The following KIAA1328 variants were observed in gnomAD, a reference collection of about 807,000 sequenced individuals.
The protein encoded by KIAA1328 is KIAA1328, also known as protein hinderin.
In KIAA1328, 52 loss-of-function variants were observed where a neutral mutation model predicts 68.1. The ratio of observed to expected loss-of-function variants is 0.76; its 90% CI spans 0.61 to 0.96. The LOEUF (loss-of-function observed/expected upper bound fraction) is 0.96, where lower values mean the gene tolerates loss of function less well. KIAA1328 is among the 40% of genes least tolerant of loss of function. The pLI, the probability that KIAA1328 is intolerant of heterozygous loss-of-function variation, is 0.00. For missense variants in KIAA1328, 641 were observed against 677.6 expected (o/e 0.95, Z 0.60); for synonymous variants, 232 against 239.4 (o/e 0.97, Z 0.28).
Position 37,052,722 on chromosome 18 carries a change from T to A in KIAA1328, c.577-14168T>A, listed in dbSNP as rs192856597. Among the ~76,000 whole-genome samples, 20 of 152,082 alleles carry A rather than the reference T, an allele frequency of 1.3e-4. 2 individuals carry two copies. The highest frequency in any genetic ancestry group is 1.1e-3 in the Admixed American group (17 of 15,284). On this transcript the variant is annotated intron_variant, in intron 6 of 9. Coordinates refer to ENST00000280020, the MANE Select transcript of KIAA1328 (RefSeq NM_020776.3). ...AATAACGTTCAAGCAGAGAACCAAATCAAGAACTCAATGCCATTTACAATA... is the reference window on the plus strand; with the variant it reads ...AATAACGTTCAAGCAGAGAACCAAAACAAGAACTCAATGCCATTTACAATA...
intron 7 of KIAA1328, among the ~76,000 whole-genome samples, chr18:37,107,082 A>C (rs1016877345): frequency 1.3e-5 from 2 of 152,122 alleles, no homozygotes; most frequent in Non-Finnish European, 2.9e-5. Flanking sequence ...CATCTCTACT[A>C]AAAATACAAA....
At chr18:37,032,808 ATT>A (rs1231478381) in intron 6 of KIAA1328, among the ~76,000 whole-genome samples, 2 of 151,758 alleles carry the variant, frequency 1.3e-5, no homozygotes, top group Non-Finnish European at 2.9e-5. Context: ...TGCCCAGCTA[ATT>A]TTGTGTTTTT....
At chr18:36,934,314 TTTATTA>T (rs1332018158) in intron 5 of KIAA1328, among the ~76,000 whole-genome samples, 1 of 152,088 alleles carries the variant, frequency 6.6e-6, no homozygotes, top group South Asian at 2.1e-4. Context: ...TTTATTTTAT[TTTATTA>T]TTATTATATT....
At chr18:37,193,020 C>A (rs923733642) in intron 9 of KIAA1328, among the ~76,000 whole-genome samples, 1 of 152,092 alleles carries the variant, frequency 6.6e-6, no homozygotes, top group African/African-American at 2.4e-5. Flanking sequence ...ATATCAAAAT[C>A]TCTGAGATCA....
chr18:37,092,005 A>T (rs1420535741), intron 7 of KIAA1328, among the ~76,000 whole-genome samples: 1 of 152,068 alleles, frequency 6.6e-6, no homozygotes, highest in South Asian at 2.1e-4. Context: ...CTCGTATGCC[A>T]TCTGAAACCT....
intron 7 of KIAA1328, among the ~76,000 whole-genome samples, chr18:37,073,022 G>T (rs1461785000): frequency 1.5e-5 from 2 of 133,808 alleles, no homozygotes; most frequent in South Asian, 4.2e-4. Flanking sequence ...ACTCAAGATG[G>T]ACTAAAGACT....
At chr18:37,096,611 T>A (rs867916482) in intron 7 of KIAA1328, among the ~76,000 whole-genome samples, 8 of 152,230 alleles carry the variant, frequency 5.3e-5, no homozygotes, top group Non-Finnish European at 7.3e-5. Flanking sequence ...GATTGCTGGG[T>A]CAAATGGTAT....
intron 8 of KIAA1328, among the ~76,000 whole-genome samples, chr18:37,166,088 T>C (rs2154212603): frequency 6.6e-6 from 1 of 151,516 alleles, no homozygotes; most frequent in African/African-American, 2.4e-5. Flanking sequence ...GTATCAGAGT[T>C]ATGCTAGTGT....
intron 1 of KIAA1328, 66 bp downstream of exon 1, chr18:36,829,262 G>A: frequency 6.9e-7 from 1 of 1,455,106 alleles, no homozygotes. Flanking sequence ...GCGAGCCGTC[G>A]CGTGGCAGTC....
intron 7 of KIAA1328, among the ~76,000 whole-genome samples, chr18:37,154,475 A>G (rs2059111038): frequency 6.6e-6 from 1 of 152,164 alleles, no homozygotes; most frequent in Non-Finnish European, 1.5e-5. Context: ...GCAGCAGTCC[A>G]TCCTTTTCCA....
chr18:36,836,837 T>C (rs2046691062), intron 3 of KIAA1328, among the ~76,000 whole-genome samples: 1 of 152,148 alleles, frequency 6.6e-6, no homozygotes, highest in South Asian at 2.1e-4. Flanking sequence ...GCTTTCAGTC[T>C]CTATAGATTT....
Position 37,183,982 on chromosome 18 carries a change from G to A in KIAA1328, c.1523+10901G>A, listed in dbSNP as rs561323731. Among the ~76,000 whole-genome samples the A allele has an allele frequency of 3.3e-5, 5 of 152,304 alleles. No homozygotes were observed. The East Asian group carries it at 9.7e-4, about 29-fold the overall frequency. ...CCCACAAAGGATGTGGACGTTATGA[G>A]CATGAGTACTTTTTCTATTATTTTC... On this transcript the variant is annotated intron_variant, in intron 9 of 9. Transcript: ENST00000280020.
chr18:37,111,855 C>T (rs189033029), intron 7 of KIAA1328, among the ~76,000 whole-genome samples: 2 of 152,344 alleles, frequency 1.3e-5, no homozygotes, highest in East Asian at 1.9e-4. Flanking sequence ...TCTTAGCAAA[C>T]AGCACACCAG....
At chr18:37,032,757 C>G (rs200184992) in intron 6 of KIAA1328, among the ~76,000 whole-genome samples, 1 of 151,988 alleles carries the variant, frequency 6.6e-6, no homozygotes, top group East Asian at 1.9e-4. Context: ...TTCTCCTGCC[C>G]CAGCCTCCCG....
At chr18:37,096,548 G>T (rs1468180093) in intron 7 of KIAA1328, among the ~76,000 whole-genome samples, 1 of 152,238 alleles carries the variant, frequency 6.6e-6, no homozygotes, top group African/African-American at 2.4e-5. Context: ...ATGTGTGCAT[G>T]TGTCTTTATA....
chr18:36,851,353 T>C (rs1391270302), intron 4 of KIAA1328, among the ~76,000 whole-genome samples: 1 of 152,158 alleles, frequency 6.6e-6, no homozygotes, highest in African/African-American at 2.4e-5. Flanking sequence ...CCTTCCCTTA[T>C]GTTTTTTGGA....
intron 9 of KIAA1328, among the ~76,000 whole-genome samples, chr18:37,208,422 A>G (rs1372064511): frequency 2.6e-5 from 4 of 152,212 alleles, no homozygotes; most frequent in Admixed American, 2.6e-4. Context: ...AAGATGTCAG[A>G]ATATTGACTG....
chr18:36,932,083 A>G (rs1490470975), intron 5 of KIAA1328, among the ~76,000 whole-genome samples: 1 of 152,230 alleles, frequency 6.6e-6, no homozygotes, highest in Non-Finnish European at 1.5e-5. Context: ...AAAGATATAT[A>G]ATATGAACAA....
intron 6 of KIAA1328, among the ~76,000 whole-genome samples, chr18:37,006,618 TGC>T (rs2053794847): frequency 6.6e-6 from 1 of 152,142 alleles, no homozygotes; most frequent in Non-Finnish European, 1.5e-5. Flanking sequence ...GTTGGTGTGC[TGC>T]ACCCATTAAC....
Sources: gnomAD v4.1 joint callset for allele counts (sites outside exome capture counted in the v4.1 genomes callset) on GRCh38, gnomAD v4.1.1 for gene constraint, MANE v1.5 for transcripts, NCBI Gene and HGNC (gene_info 2026-07-23, HGNC 2026-07-21) for gene names.